The following GALNT13 variants were observed in gnomAD, a reference collection of about 807,000 sequenced individuals.
The protein encoded by GALNT13 is UDP-GalNAc:polypeptide N-acetylgalactosaminyltransferase 13.
GALNT13 carries 28 observed loss-of-function variants against 64.2 expected under a neutral mutation model. The ratio of observed to expected loss-of-function variants is 0.44; its 90% confidence interval spans 0.32 to 0.60. The LOEUF is 0.60. Among genes scored for constraint, GALNT13 ranks in the 20% least tolerant of loss-of-function variants. The pLI, the probability that GALNT13 is intolerant of heterozygous loss-of-function variation, is 0.05. For missense variants in GALNT13, 577 were observed against 669.8 expected (o/e 0.86, Z 1.53); for synonymous variants, 214 against 224.6 (o/e 0.95, Z 0.42).
intron 4 of GALNT13, among the ~76,000 whole-genome samples, chr2:154,211,616 G>C (rs772185279): frequency 1.3e-5 from 1 of 75,176 alleles, no homozygotes; most frequent in Non-Finnish European, 2.3e-5. Context: ...CAACAAGAGC[G>C]AAACTCCATC....
At chr2:154,298,660 T>TGTATATATTAA (rs1340637365) in intron 8 of GALNT13, among the ~76,000 whole-genome samples, 1 of 53,898 alleles carries the variant, frequency 1.9e-5, no homozygotes, top group African/African-American at 8.9e-5. Context: ...GTATATACAA[T>TGTATATATTAA]TTATATATAC....
the GALNT13 span, among the ~76,000 whole-genome samples, chr2:153,591,984 CA>C: frequency 6.6e-6 from 1 of 151,726 alleles, no homozygotes; most frequent in Admixed American, 6.6e-5. Context: ...TCAATAACAA[CA>C]AAAAATAATA....
intron 3 of GALNT13, among the ~76,000 whole-genome samples, chr2:154,058,808 T>C (rs1700030674): frequency 6.6e-6 from 1 of 152,122 alleles, no homozygotes; most frequent in African/African-American, 2.4e-5. Context: ...CTATTATAGA[T>C]TTTAGGTTTT....
chr2:153,651,999 G>A, the GALNT13 span, among the ~76,000 whole-genome samples: 2 of 152,228 alleles, frequency 1.3e-5, no homozygotes, highest in African/African-American at 4.8e-5. Flanking sequence ...TCTAGCTGGT[G>A]GAATTCCAAG....
the GALNT13 span, among the ~76,000 whole-genome samples, chr2:153,547,164 C>G: frequency 6.6e-6 from 1 of 152,302 alleles, no homozygotes; most frequent in South Asian, 2.1e-4. Flanking sequence ...CATATTTTGT[C>G]ACCATTGTAC....
chr2:153,537,286 T>C, the GALNT13 span, among the ~76,000 whole-genome samples: 2 of 152,106 alleles, frequency 1.3e-5, no homozygotes, highest in African/African-American at 4.8e-5. Context: ...CAGGTTACAG[T>C]TGGGTTTTCC....
the GALNT13 span, among the ~76,000 whole-genome samples, chr2:153,396,326 A>G: frequency 3.3e-5 from 5 of 152,086 alleles, no homozygotes; most frequent in Admixed American, 1.3e-4. Context: ...ACAAAATCCT[A>G]CCATGTAGTT....
At chr2:153,283,155 G>C in the GALNT13 span, among the ~76,000 whole-genome samples, 2 of 152,178 alleles carry the variant, frequency 1.3e-5, no homozygotes, top group Non-Finnish European at 2.9e-5. Flanking sequence ...GAAAAAGATG[G>C]GAGGGGCCAG....
At chr2:154,294,842 C>T (rs182251759) in intron 8 of GALNT13, among the ~76,000 whole-genome samples, 1 of 152,110 alleles carries the variant, frequency 6.6e-6, no homozygotes, top group Non-Finnish European at 1.5e-5. Context: ...AGGGCAGAAC[C>T]CCTGTGAAAC....
the GALNT13 span, among the ~76,000 whole-genome samples, chr2:153,767,113 G>A: frequency 6.6e-6 from 1 of 151,940 alleles, no homozygotes; most frequent in Non-Finnish European, 1.5e-5. Flanking sequence ...TATTACTTTG[G>A]AGTCCCTAGT....
chr2:153,181,753 T>C, the GALNT13 span, among the ~76,000 whole-genome samples: 2 of 145,630 alleles, frequency 1.4e-5, no homozygotes, highest in Non-Finnish European at 3.0e-5. Flanking sequence ...TATACATATT[T>C]ATATGTATAT....
the GALNT13 span, among the ~76,000 whole-genome samples, chr2:153,211,489 C>T: frequency 2.6e-5 from 4 of 152,196 alleles, no homozygotes; most frequent in African/African-American, 9.6e-5. Context: ...TTTTCTATGG[C>T]TATCATAATG....
intron 3 of GALNT13, among the ~76,000 whole-genome samples, chr2:154,010,218 A>C (rs1696536241): frequency 6.6e-6 from 1 of 151,948 alleles, no homozygotes; most frequent in African/African-American, 2.4e-5. Flanking sequence ...TATGATGTTG[A>C]CTATGGTTTT....
At chr2:153,438,291 A>T in the GALNT13 span, among the ~76,000 whole-genome samples, 1 of 152,000 alleles carries the variant, frequency 6.6e-6, no homozygotes, top group Non-Finnish European at 1.5e-5. Flanking sequence ...GGTGAATCTG[A>T]TAATTATGTG....
the GALNT13 span, among the ~76,000 whole-genome samples, chr2:153,750,462 T>C: frequency 6.6e-6 from 1 of 151,952 alleles, no homozygotes; most frequent in Non-Finnish European, 1.5e-5. Context: ...TGGGATTTTG[T>C]TTACTGGGAG....
At chr2:154,097,917 A>G (rs893084488) in intron 3 of GALNT13, among the ~76,000 whole-genome samples, 1 of 151,990 alleles carries the variant, frequency 6.6e-6, no homozygotes, top group South Asian at 2.1e-4. Flanking sequence ...TAACCTAAGG[A>G]TAACAACTAA....
chr2:153,206,931 T>C, the GALNT13 span, among the ~76,000 whole-genome samples: 1 of 152,108 alleles, frequency 6.6e-6, no homozygotes, highest in East Asian at 1.9e-4. Context: ...TTCTTTTTTT[T>C]AAGCCTATAT....
intron 1 of GALNT13, among the ~76,000 whole-genome samples, chr2:153,872,845 G>C (rs1219223978): frequency 6.6e-6 from 1 of 152,082 alleles, no homozygotes; most frequent in Non-Finnish European, 1.5e-5. Context: ...CGCTTTTTCA[G>C]AGTCCTCTTG....
chr2:154,206,774 ACT>A (rs1190421307), intron 4 of GALNT13, among the ~76,000 whole-genome samples: 1 of 150,786 alleles, frequency 6.6e-6, no homozygotes, highest in African/African-American at 2.4e-5. Context: ...ACAGAGGGAG[ACT>A]CTGTCTCAAA....
Sources: allele counts gnomAD v4.1 joint callset (sites outside exome capture counted in the v4.1 genomes callset), GRCh38; gene constraint gnomAD v4.1.1; transcripts MANE v1.5; gene names NCBI Gene and HGNC (gene_info 2026-07-23, HGNC 2026-07-21).